ADAMTS17: variants seen among roughly 807,000 people sequenced by gnomAD.
ADAMTS17 encodes ADAM metallopeptidase with thrombospondin type 1 motif 17, also known as A disintegrin and metalloproteinase with thrombospondin motifs 17.
Under a neutral mutation model 141.5 loss-of-function variants are expected in ADAMTS17, and 113 were observed. The ratio of observed to expected loss-of-function variants is 0.80; its 90% confidence interval spans 0.69 to 0.93. The LOEUF (loss-of-function observed/expected upper bound fraction) is 0.93. Among genes scored for constraint, ADAMTS17 ranks in the 40% least tolerant of loss-of-function variants. ADAMTS17 has a pLI of 0.00. For synonymous variants in ADAMTS17, 768 were observed against 630.6 expected (o/e 1.22, Z -3.27); for missense variants, 1,659 against 1,517.9 (o/e 1.09, Z -1.54).
chr15:99,973,418 T>C lies in ADAMTS17; in HGVS notation c.*984A>G, dbSNP rs1483315263. 6.6e-6 allele frequency: 1 copy of C among 152,214 alleles called. No homozygotes were observed. The highest frequency in any genetic ancestry group is 1.5e-5 in the Non-Finnish European group (1 of 68,114). The allele number at this position is 152,214 out of a possible 1,614,324, so 9.4% of individuals were successfully genotyped here. On this transcript the variant is annotated 3_prime_UTR_variant, in exon 22 of 22. Coordinates refer to ENST00000268070, the MANE Select transcript of ADAMTS17 (RefSeq NM_139057.4). ...TCCTCAGAGGTCCCAAATGTCGTCT[T>C]ACCTTCAGATAAATGGCCACGGTCG...
chr15:100,082,133 T>C (rs1461991300), intron 15 of ADAMTS17, among the ~76,000 whole-genome samples: 4 of 152,188 alleles, frequency 2.6e-5, no homozygotes, highest in African/African-American at 9.7e-5. Flanking sequence ...CGGTGCAATC[T>C]TGGCTCACTG....
intron 10 of ADAMTS17, among the ~76,000 whole-genome samples, chr15:100,135,627 A>G (rs72770252): frequency 0.034 from 5,207 of 152,294 alleles, 186 homozygotes; most frequent in African/African-American, 0.085. Flanking sequence ...GTAAGAACAC[A>G]AGAATATATT....
intron 3 of ADAMTS17, among the ~76,000 whole-genome samples, chr15:100,287,065 G>A (rs1596452883): frequency 6.6e-6 from 1 of 152,194 alleles, no homozygotes; most frequent in South Asian, 2.1e-4. Flanking sequence ...GCACACACCT[G>A]TAGTCCCAGC....
chr15:100,306,043 C>G (rs1034813611), intron 3 of ADAMTS17: 1 of 160,416 alleles, frequency 6.2e-6, no homozygotes, highest in Non-Finnish European at 1.4e-5. Context: ...CACCAATGTC[C>G]AAAGCTGGGC....
At chr15:100,103,319 C>T (rs1157126444) in intron 14 of ADAMTS17, among the ~76,000 whole-genome samples, 1 of 152,224 alleles carries the variant, frequency 6.6e-6, no homozygotes, top group Non-Finnish European at 1.5e-5. Flanking sequence ...CGTGAAGATG[C>T]AAACCCAGGC....
intron 4 of ADAMTS17, among the ~76,000 whole-genome samples, chr15:100,263,325 G>T (rs1334614024): frequency 6.6e-6 from 1 of 152,148 alleles, no homozygotes; most frequent in African/African-American, 2.4e-5. Context: ...GAGACCCACA[G>T]CCAGTCACAA....
At chr15:100,134,795 C>T (rs1403933923) in intron 10 of ADAMTS17, among the ~76,000 whole-genome samples, 1 of 152,176 alleles carries the variant, frequency 6.6e-6, no homozygotes, top group Admixed American at 6.5e-5. Flanking sequence ...CTGATCTGTG[C>T]CCTTTAGGAA....
At chr15:100,151,205 C>A (rs781508921) in intron 10 of ADAMTS17, among the ~76,000 whole-genome samples, 1 of 152,186 alleles carries the variant, frequency 6.6e-6, no homozygotes, top group Non-Finnish European at 1.5e-5. Flanking sequence ...GGGACCCTCG[C>A]AGGCGTGCTC....
intron 7 of ADAMTS17, among the ~76,000 whole-genome samples, chr15:100,210,230 C>CAAA (rs34086690): frequency 9.9e-4 from 31 of 31,204 alleles, no homozygotes; most frequent in East Asian, 2.5e-3. Context: ...GACTCCATCT[C>CAAA]AAAAAAAAAA....
chr15:100,250,885 T>C (rs952196623), intron 7 of ADAMTS17, among the ~76,000 whole-genome samples: 2 of 152,180 alleles, frequency 1.3e-5, no homozygotes, highest in Admixed American at 1.3e-4. Context: ...GTATAATTAC[T>C]CAAAATAAAA....
At chr15:100,093,399 C>G (rs529476839) in intron 15 of ADAMTS17, among the ~76,000 whole-genome samples, 2 of 152,208 alleles carry the variant, frequency 1.3e-5, no homozygotes, top group Admixed American at 1.3e-4. Flanking sequence ...CTTTGATATT[C>G]ACCGTTAAGG....
In ADAMTS17 at chr15:99,987,549, C is replaced by T. The variant is rs144507521; in HGVS notation, c.2949+5499G>A. Among the ~76,000 whole-genome samples the T allele has an allele frequency of 6.4e-4, 97 of 152,238 alleles. 1 individual carries two copies. Among genetic ancestry groups the T allele is most frequent in the African/African-American group, 2.3e-3 (95 of 41,544 alleles). ...GACTGGTTTAAAAAGGCAGTGGAAC[C>T]CATGGGTGCAACCATGGCACCATCT... On this transcript the variant is annotated intron_variant, in intron 20 of 21. Coordinates refer to ENST00000268070, the MANE Select transcript of ADAMTS17 (RefSeq NM_139057.4).
At chr15:100,103,574 C>CTT (rs11411616) in intron 14 of ADAMTS17, among the ~76,000 whole-genome samples, 2 of 150,140 alleles carry the variant, frequency 1.3e-5, no homozygotes, top group Admixed American at 6.6e-5. Flanking sequence ...TCCAGCCACT[C>CTT]TTTTTTTTTC....
At chr15:100,271,952 G>A (rs1401339490) in intron 4 of ADAMTS17, among the ~76,000 whole-genome samples, 1 of 152,096 alleles carries the variant, frequency 6.6e-6, no homozygotes, top group African/African-American at 2.4e-5. Flanking sequence ...AGCTTTCCCA[G>A]CACCAGTTCT....
chr15:100,245,261 G>A (rs2042952819), intron 7 of ADAMTS17, among the ~76,000 whole-genome samples: 1 of 152,176 alleles, frequency 6.6e-6, no homozygotes, highest in Non-Finnish European at 1.5e-5. Flanking sequence ...TCGCAGGCAG[G>A]GGCCTGGGAA....
At chr15:100,040,600 A>C (rs1055970540) in intron 18 of ADAMTS17, among the ~76,000 whole-genome samples, 1 of 152,116 alleles carries the variant, frequency 6.6e-6, no homozygotes, top group Non-Finnish European at 1.5e-5. Context: ...CAACAGGAGA[A>C]ATCCTGTCAC....
chr15:100,296,580 G>GGGGT (rs1555504073), intron 3 of ADAMTS17, among the ~76,000 whole-genome samples: 2 of 107,918 alleles, frequency 1.9e-5, no homozygotes, highest in East Asian at 4.3e-4. Context: ...GGTGAGGGGG[G>GGGGT]GTGTGTGTGT....
At chr15:100,012,156 T>C (rs1029560867) in intron 18 of ADAMTS17, among the ~76,000 whole-genome samples, 5 of 152,254 alleles carry the variant, frequency 3.3e-5, no homozygotes, top group Admixed American at 2.6e-4. Flanking sequence ...ATGCTGAGCA[T>C]TGTTTTCATA....
chr15:100,031,279 C>T (rs1383529391), intron 18 of ADAMTS17, among the ~76,000 whole-genome samples: 1 of 152,218 alleles, frequency 6.6e-6, no homozygotes, highest in East Asian at 1.9e-4. Context: ...GTCTTCCTGC[C>T]TCTACATGAT....
Sources: gnomAD v4.1 joint callset for allele counts (sites outside exome capture counted in the v4.1 genomes callset) on GRCh38, gnomAD v4.1.1 for gene constraint, MANE v1.5 for transcripts, NCBI Gene and HGNC (gene_info 2026-07-23, HGNC 2026-07-21) for gene names.